Variants in FSD1L observed in about 807,000 individuals in gnomAD.
FSD1L encodes the protein fibronectin type III and SPRY domain containing 1 like.
A neutral mutation model predicts 71.6 loss-of-function variants in FSD1L; 45 were observed. The ratio of observed to expected loss-of-function variants is 0.63; its 90% CI spans 0.49 to 0.81. The LOEUF (loss-of-function observed/expected upper bound fraction) is 0.81, where lower values mean the gene tolerates loss of function less well. FSD1L is among the 30% of genes least tolerant of loss of function. The pLI is 0.00. For synonymous variants in FSD1L, 197 were observed against 207.2 expected, an observed-to-expected ratio of 0.95 and a Z score of 0.42; for missense variants, 561 against 618.1, an observed-to-expected ratio of 0.91 and a Z score of 0.98.
intron 13 of FSD1L, among the ~76,000 whole-genome samples, chr9:105,542,714 C>T (rs561074822): frequency 6.6e-6 from 1 of 152,318 alleles, no homozygotes; most frequent in South Asian, 2.1e-4. Context: ...CCTTGGCCCC[C>T]CAAAATCCTG....
At position 105,549,561 on chromosome 9, in the gene FSD1L, T is replaced by G. The variant is rs896448413; in HGVS notation, c.*3078T>G. The G allele has an allele frequency of 6.6e-6, 1 of 152,028 alleles. No individual in the cohort carries two copies. Among genetic ancestry groups the G allele is most frequent in the Admixed American group, 6.6e-5 (1 of 15,250 alleles). 9.4% of individuals were successfully genotyped at this position (152,028 alleles called of 1,614,324 possible). On this transcript the variant is annotated 3_prime_UTR_variant, in exon 14 of 14. Transcript: ENST00000481272. ...TGTATCATCTTGACAAATCGTGAAC[T>G]GCTGCTGTATGGCTAGACTTTGCCT... is the stretch of plus-strand genomic sequence containing the variant.
intron 7 of FSD1L, among the ~76,000 whole-genome samples, chr9:105,495,846 G>T (rs1341167675): frequency 6.6e-6 from 1 of 152,008 alleles, no homozygotes; most frequent in Non-Finnish European, 1.5e-5. Context: ...GTAGTGATGG[G>T]CGCATGTAGT....
intron 1 of FSD1L, 30 bp from the exon 2 acceptor site, chr9:105,461,490 A>G (rs1279541307): frequency 3.0e-5 from 36 of 1,193,340 alleles, no homozygotes; most frequent in East Asian, 1.1e-4. Flanking sequence ...TGTGGCTGCT[A>G]TTGGCTCCTA....
chr9:105,496,894 G>C (rs1416296142), intron 7 of FSD1L, among the ~76,000 whole-genome samples: 2 of 152,174 alleles, frequency 1.3e-5, no homozygotes, highest in Non-Finnish European at 2.9e-5. Context: ...AGGACTTCCA[G>C]TACTATGTTG....
chr9:105,534,437 A>G (rs929810227), intron 10 of FSD1L, 56 bp from the exon 11 acceptor site: 17 of 912,368 alleles, frequency 1.9e-5, no homozygotes, highest in Non-Finnish European at 2.7e-5. Context: ...GTTTTAGTTT[A>G]TGAAACATTT....
At chr9:105,543,664 A>G (rs968150675) in intron 13 of FSD1L, among the ~76,000 whole-genome samples, 5 of 151,790 alleles carry the variant, frequency 3.3e-5, no homozygotes, top group African/African-American at 4.8e-5. Flanking sequence ...GTTCCCACCT[A>G]TGAGTGAGAA....
In FSD1L at chr9:105,471,724, T is replaced by TTTTATA. The variant is rs376687715; in HGVS notation, c.340-179_340-178insTTATAT. ...ATATATATAAAAAAAATAACACGTT[T>TTTTATA]TATATATATATATATATATATAACT... On this transcript the variant is annotated intron_variant, in intron 4 of 13. Transcript: ENST00000481272. 4.3e-4 allele frequency among the ~76,000 whole-genome samples: 61 copies of TTTTATA among 143,328 alleles called. No homozygotes were observed. The East Asian group carries it at 0.012, about 28-fold the overall frequency. 94.0% of individuals were successfully genotyped at this position (143,328 alleles called of 152,430 possible). A position where few individuals can be genotyped will look rare whatever the true frequency, so the allele number is the denominator to read the frequency against.
At chr9:105,514,520 G>A (rs966196087) in intron 10 of FSD1L, among the ~76,000 whole-genome samples, 7 of 152,180 alleles carry the variant, frequency 4.6e-5, no homozygotes, top group African/African-American at 1.4e-4. Context: ...TGAGATGTAT[G>A]TACAAGTAGC....
chr9:105,489,870 T>A (rs914115066), intron 7 of FSD1L, among the ~76,000 whole-genome samples: 21 of 152,358 alleles, frequency 1.4e-4, no homozygotes, highest in African/African-American at 4.6e-4. Context: ...TTCCATGGTG[T>A]ATATGTGCTA....
chr9:105,469,623 G>A (rs148473635), intron 4 of FSD1L, among the ~76,000 whole-genome samples: 80 of 151,324 alleles, frequency 5.3e-4, no homozygotes, highest in African/African-American at 1.8e-3. Context: ...GGTTACTTGG[G>A]GTTTTTGGTG....
Position 105,551,419 on chromosome 9 carries a change from G to A in FSD1L, c.*4936G>A, listed in dbSNP as rs1445775441. 2 of 151,872 alleles carry A rather than the reference G, an allele frequency of 1.3e-5. No homozygotes were observed. The highest frequency in any genetic ancestry group is 2.9e-5 in the Non-Finnish European group (2 of 67,970). 9.4% of individuals were successfully genotyped at this position (151,872 alleles called of 1,614,324 possible). On this transcript the variant is annotated 3_prime_UTR_variant, in exon 14 of 14. Coordinates refer to ENST00000481272, the MANE Select transcript of FSD1L (RefSeq NM_001145313.3). ...CTATTGCCTTCTTTATAAAATAAGTGTAAGTTGTTCAGCCTGCCTCACAGG... is the reference window on the plus strand; with the variant it reads ...CTATTGCCTTCTTTATAAAATAAGTATAAGTTGTTCAGCCTGCCTCACAGG...
chr9:105,481,141 C>CTGTGTGTGTGTGTGTGTGTGTGTGTGTG (rs376069658), intron 6 of FSD1L, among the ~76,000 whole-genome samples: 8 of 81,558 alleles, frequency 9.8e-5, no homozygotes, highest in South Asian at 1.1e-3. Flanking sequence ...CAGGCAAACT[C>CTGTGTGTGTGTGTGTGTGTGTGTGTGTG]TGTGTGTGTG....
intron 4 of FSD1L, among the ~76,000 whole-genome samples, chr9:105,471,231 C>T (rs774339468): frequency 6.6e-6 from 1 of 152,166 alleles, no homozygotes; most frequent in Non-Finnish European, 1.5e-5. Context: ...TTGATCAACC[C>T]CCTAGCCATC....
chr9:105,451,350 A>G (rs1163371629), intron 1 of FSD1L, among the ~76,000 whole-genome samples: 1 of 152,232 alleles, frequency 6.6e-6, no homozygotes, highest in Non-Finnish European at 1.5e-5. Flanking sequence ...TTACATTCTA[A>G]TAGAAAGAGG....
chr9:105,531,570 T>G (rs897343395), intron 10 of FSD1L, among the ~76,000 whole-genome samples: 1 of 152,220 alleles, frequency 6.6e-6, no homozygotes, highest in Non-Finnish European at 1.5e-5. Context: ...CAAAAGTAAT[T>G]TTTACAAATA....
rs182209648 is a variant in FSD1L, at chr9:105,512,892, A to G, written c.981A>G (p.Gly327=). Residue 327 remains glycine (G), a synonymous_variant, in exon 10 of 14, where the codon GGA becomes GGG. Coordinates refer to ENST00000481272, the MANE Select transcript of FSD1L (RefSeq NM_001145313.3). ...GTGTAGAGTGGGATCCTACTGGAGG[A>G]AAAGGTCAAGAAAGTAAAATTAAAG... ...DTCVEWDPTG[G]KGQESKIKGK... is the part of the protein sequence containing the mutation. 31 of 1,540,964 alleles carry G rather than the reference A, an allele frequency of 2.0e-5. No homozygotes were observed. The African/African-American group carries it at 2.5e-4, about 12-fold the overall frequency.
chr9:105,539,342 T>TGG lies in FSD1L; in HGVS notation c.1459_1460dup (p.Phe488ValfsTer11). 3 of 1,430,558 alleles carry TGG rather than the reference T, an allele frequency of 2.1e-6. No homozygotes were observed. The highest frequency in any genetic ancestry group is 2.8e-6 in the Non-Finnish European group (3 of 1,055,448). 88.6% of individuals were successfully genotyped at this position (1,430,558 alleles called of 1,614,324 possible). Reference sequence around the variant, plus strand: ...CAAAATTTACTCAGCCAGTACTACCTGGTTTCATGGTTAGTATGTTTTATA... The same window carrying TGG: ...CAAAATTTACTCAGCCAGTACTACCTGGGGTTTCATGGTTAGTATGTTTTATA... On this transcript the variant is annotated frameshift_variant, in exon 13 of 14. Coordinates refer to ENST00000481272, the MANE Select transcript of FSD1L (RefSeq NM_001145313.3). LOFTEE classifies it high-confidence loss of function.
chr9:105,472,224 T>C (rs1831524400), intron 5 of FSD1L: 1 of 469,064 alleles, frequency 2.1e-6, no homozygotes, highest in Non-Finnish European at 3.5e-6. Flanking sequence ...AAAAAGTGTT[T>C]CTGTGTTTCT....
chr9:105,507,387 C>G (rs908158384), intron 8 of FSD1L, among the ~76,000 whole-genome samples: 4 of 152,148 alleles, frequency 2.6e-5, no homozygotes, highest in African/African-American at 9.7e-5. Context: ...TTAGGAGCAC[C>G]ATTATTGAGC....
Sources: allele counts gnomAD v4.1 joint callset (sites outside exome capture counted in the v4.1 genomes callset), GRCh38; gene constraint gnomAD v4.1.1; transcripts MANE v1.5; gene names NCBI Gene and HGNC (gene_info 2026-07-23, HGNC 2026-07-21).